Variants in CDKAL1 observed in about 807,000 individuals in gnomAD.
CDKAL1 encodes the protein CDKAL1 threonylcarbamoyladenosine tRNA methylthiotransferase, also known as threonylcarbamoyladenosine tRNA methylthiotransferase.
A neutral mutation model predicts 68.2 loss-of-function variants in CDKAL1; 32 were observed. That is an observed-to-expected ratio of 0.47 (90% CI 0.35 to 0.63). The LOEUF is 0.63. Ranked by LOEUF, CDKAL1 falls within the 30% of genes least tolerant of loss-of-function variation. The probability of loss-of-function intolerance (pLI) is 0.00; values close to 1 mark genes in which losing one functional copy is unlikely to be tolerated. For synonymous variants in CDKAL1, 234 were observed against 244.3 expected, an observed-to-expected ratio of 0.96 and a Z score of 0.39; for missense variants, 606 against 696.7, an observed-to-expected ratio of 0.87 and a Z score of 1.47.
Position 20,548,723 on chromosome 6 carries a change from A to T in CDKAL1, c.286+18A>T. Reference sequence around the variant, plus strand: ...AATTACAGGTAATGAGATCTATAATATATTTTATTGATTAAATTTTTCAGA... The same window carrying T: ...AATTACAGGTAATGAGATCTATAATTTATTTTATTGATTAAATTTTTCAGA... On this transcript the variant is annotated intron_variant, in intron 4 of 15. Transcript: ENST00000274695. The T allele has an allele frequency of 1.8e-6, 2 of 1,103,976 alleles. No homozygotes were observed. The highest frequency in any genetic ancestry group is 1.3e-6 in the Non-Finnish European group (1 of 742,986). The allele number at this position is 1,103,976 out of a possible 1,614,324, so 68.4% of individuals were successfully genotyped here.
At chr6:20,552,382 A>G (rs1277125781) in intron 4 of CDKAL1, among the ~76,000 whole-genome samples, 1 of 151,984 alleles carries the variant, frequency 6.6e-6, no homozygotes, top group African/African-American at 2.4e-5. Context: ...TTCCTAAAAC[A>G]TAAGGAAAAT....
At chr6:20,848,276 G>GCTGTTTTT (rs1778450117) in intron 9 of CDKAL1, among the ~76,000 whole-genome samples, 1 of 10,780 alleles carries the variant, frequency 9.3e-5, no homozygotes, top group African/African-American at 3.5e-4. Context: ...TTGCTGGAAA[G>GCTGTTTTT]TTGTTTTTTT....
At chr6:21,148,333 G>T (rs1776272211) in intron 13 of CDKAL1, among the ~76,000 whole-genome samples, 1 of 152,096 alleles carries the variant, frequency 6.6e-6, no homozygotes, top group African/African-American at 2.4e-5. Flanking sequence ...GTCCTTTTCT[G>T]CCCCACCTTA....
intron 13 of CDKAL1, among the ~76,000 whole-genome samples, chr6:21,194,187 A>ACATT (rs1263955679): frequency 6.6e-6 from 1 of 152,264 alleles, no homozygotes; most frequent in African/African-American, 2.4e-5. Context: ...CAACACTGTT[A>ACATT]CATTGTCAAT....
intron 5 of CDKAL1, among the ~76,000 whole-genome samples, chr6:20,658,197 CAGAA>C (rs1180041339): frequency 9.9e-5 from 15 of 152,238 alleles, no homozygotes; most frequent in African/African-American, 3.4e-4. Context: ...ATATAAATGA[CAGAA>C]AGAATAGCCA....
intron 6 of CDKAL1, among the ~76,000 whole-genome samples, chr6:20,757,728 A>G (rs1471851274): frequency 6.6e-6 from 1 of 152,220 alleles, no homozygotes; most frequent in Admixed American, 6.5e-5. Context: ...GATTTCTTTC[A>G]ACTGACTTCC....
At chr6:20,609,267 CCTCCTT>C (rs1172429041) in intron 4 of CDKAL1, among the ~76,000 whole-genome samples, 70 of 22,308 alleles carry the variant, frequency 3.1e-3, no homozygotes, top group African/African-American at 7.3e-3. Flanking sequence ...CTTCCTTCCT[CCTCCTT>C]CTCCTCCTTC....
chr6:21,227,262 A>C (rs575567886), intron 15 of CDKAL1, among the ~76,000 whole-genome samples: 1 of 152,058 alleles, frequency 6.6e-6, no homozygotes, highest in African/African-American at 2.4e-5. Flanking sequence ...CCTGCTTTCA[A>C]CTGGTATGGT....
At chr6:21,083,278 C>T (rs537772780) in intron 12 of CDKAL1, among the ~76,000 whole-genome samples, 6 of 152,260 alleles carry the variant, frequency 3.9e-5, no homozygotes, top group Admixed American at 1.3e-4. Flanking sequence ...ACTGCAACTC[C>T]TCACATGAGG....
At chr6:20,605,850 T>G (rs1232231951) in intron 4 of CDKAL1, among the ~76,000 whole-genome samples, 1 of 152,142 alleles carries the variant, frequency 6.6e-6, no homozygotes, top group Non-Finnish European at 1.5e-5. Flanking sequence ...TTCCCCAGCT[T>G]TGGTTGGTTT....
Position 21,092,043 on chromosome 6 carries a change from C to T in CDKAL1, c.1237-16358C>T, listed in dbSNP as rs369586511. ...CTGGGACTACAGGCGCCCGCCACTACGCCTGGCTCATTTTTTGTATTTTTA... is the reference window on the plus strand; with the variant it reads ...CTGGGACTACAGGCGCCCGCCACTATGCCTGGCTCATTTTTTGTATTTTTA... On this transcript the variant is annotated intron_variant, in intron 12 of 15. Transcript: ENST00000274695. 1.8e-3 allele frequency among the ~76,000 whole-genome samples: 270 copies of T among 151,388 alleles called. 2 individuals are homozygous for T. Among genetic ancestry groups the T allele is most frequent in the African/African-American group, 6.2e-3 (257 of 41,298 alleles).
At position 20,534,554 on chromosome 6, in the gene CDKAL1, T is replaced by G. The variant is rs928988123; in HGVS notation, c.-70T>G. 6.6e-6 allele frequency: 1 copy of G among 151,698 alleles called. No homozygotes were observed. Among genetic ancestry groups the G allele is most frequent in the East Asian group, 1.9e-4 (1 of 5,280 alleles). The allele number at this position is 151,698 out of a possible 1,614,324, so 9.4% of individuals were successfully genotyped here. On this transcript the variant is annotated 5_prime_UTR_variant, in exon 1 of 16. Coordinates refer to ENST00000274695, the MANE Select transcript of CDKAL1 (RefSeq NM_017774.3). ...GGTTGATTTTCTCACTTTGGACTGG[T>G]TTTTACTTCCCGACTTCTGGGTAAG...
intron 9 of CDKAL1, among the ~76,000 whole-genome samples, chr6:20,953,528 T>C (rs1764638374): frequency 6.6e-6 from 1 of 152,218 alleles, no homozygotes; most frequent in African/African-American, 2.4e-5. Context: ...TTAAAATCTG[T>C]TTATGTTGTT....
chr6:21,056,185 C>T (rs774848945), intron 11 of CDKAL1, among the ~76,000 whole-genome samples: 21 of 152,064 alleles, frequency 1.4e-4, no homozygotes, highest in Middle Eastern at 3.4e-3. Flanking sequence ...TGTTTGTGTC[C>T]TCTCTTATTT....
intron 6 of CDKAL1, among the ~76,000 whole-genome samples, chr6:20,747,650 G>T (rs563601836): frequency 6.6e-6 from 1 of 152,042 alleles, no homozygotes; most frequent in Admixed American, 6.6e-5. Context: ...GTCTATTCAG[G>T]TCCTTTGCCC....
In CDKAL1 at chr6:20,823,603, A is replaced by T. The variant is rs184129595; in HGVS notation, c.639-22472A>T. ...AATCTGACTGATTTTCAGTGTGAAAATAAAACATAAAAAATGTTCCTGGAG... is the reference window on the plus strand; with the variant it reads ...AATCTGACTGATTTTCAGTGTGAAATTAAAACATAAAAAATGTTCCTGGAG... On this transcript the variant is annotated intron_variant, in intron 8 of 15. Transcript: ENST00000274695. Among the ~76,000 whole-genome samples, 399 of 152,324 alleles carry T rather than the reference A, an allele frequency of 2.6e-3. 4 individuals carry two copies. Among genetic ancestry groups the T allele is most frequent in the African/African-American group, 9.1e-3 (377 of 41,578 alleles).
At chr6:21,065,358 T>TG (rs1239205123) in intron 12 of CDKAL1, 130 bp downstream of exon 12, 1 of 737,236 alleles carries the variant, frequency 1.4e-6, no homozygotes, top group Non-Finnish European at 2.2e-6. Context: ...ATTTCCAAGT[T>TG]GGGGTCAGGG....
At chr6:21,151,072 G>A (rs574142942) in intron 13 of CDKAL1, among the ~76,000 whole-genome samples, 1 of 152,242 alleles carries the variant, frequency 6.6e-6, no homozygotes, top group South Asian at 2.1e-4. Flanking sequence ...GAGAGAAAAG[G>A]TTATATGCTT....
At chr6:20,829,535 A>G (rs1777628139) in intron 8 of CDKAL1, among the ~76,000 whole-genome samples, 1 of 152,228 alleles carries the variant, frequency 6.6e-6, no homozygotes, top group Non-Finnish European at 1.5e-5. Context: ...AATGCAAGGC[A>G]TTACCCTTCA....
Sources: gnomAD v4.1 joint callset for allele counts (sites outside exome capture counted in the v4.1 genomes callset) on GRCh38, gnomAD v4.1.1 for gene constraint, MANE v1.5 for transcripts, NCBI Gene and HGNC (gene_info 2026-07-23, HGNC 2026-07-21) for gene names.